The following RHEX variants were observed in gnomAD, a reference collection of about 807,000 sequenced individuals.
RHEX encodes the protein regulator of hemoglobinization and erythroid cell expansion, also known as regulator of hemoglobinization and erythroid cell expansion protein.
A neutral mutation model predicts 20.1 loss-of-function variants in RHEX; 18 were observed. The ratio of observed to expected loss-of-function variants is 0.90; its 90% CI spans 0.62 to 1.33. The LOEUF (loss-of-function observed/expected upper bound fraction) is 1.33, where lower values mean the gene tolerates loss of function less well. Ranked by LOEUF, RHEX falls within the 40% of genes most tolerant of loss-of-function variation. The pLI, the probability that RHEX is intolerant of heterozygous loss-of-function variation, is 0.00. For missense variants in RHEX, 192 were observed against 214.3 expected (o/e 0.90, Z 0.65); for synonymous variants, 87 against 77.1 (o/e 1.13, Z -0.67).
At chr1:206,081,795 G>A (rs143606367) in intron 1 of RHEX, among the ~76,000 whole-genome samples, 1 of 152,284 alleles carries the variant, frequency 6.6e-6, no homozygotes, top group East Asian at 1.9e-4. Flanking sequence ...ACAGAGGCTA[G>A]AGCTGTATGA....
At chr1:206,092,874 T>C (rs921757205) in intron 1 of RHEX, among the ~76,000 whole-genome samples, 1 of 152,126 alleles carries the variant, frequency 6.6e-6, no homozygotes, top group East Asian at 1.9e-4. Flanking sequence ...GAAATAAAGA[T>C]TTTTTTATTT....
chr1:206,058,717 C>T lies in RHEX; in HGVS notation c.-97+5452C>T, dbSNP rs926138723. ...GGTGCATGCAGCCCCTGTCACATAC[C>T]GCCTGCTTGCTCAAATCAATCATGA... On this transcript the variant is annotated intron_variant, in intron 1 of 5. Coordinates refer to ENST00000331555, the MANE Select transcript of RHEX (RefSeq NM_001007544.4). 1.3e-4 allele frequency among the ~76,000 whole-genome samples: 20 copies of T among 152,260 alleles called. No individual in the cohort carries two copies. The East Asian group carries it at 1.9e-3, about 15-fold the overall frequency.
intron 1 of RHEX, among the ~76,000 whole-genome samples, chr1:206,080,978 T>C (rs1303748432): frequency 6.9e-6 from 1 of 145,780 alleles, no homozygotes; most frequent in Non-Finnish European, 1.5e-5. Flanking sequence ...AATTTTTTTG[T>C]ACATACACAC....
intron 1 of RHEX, among the ~76,000 whole-genome samples, chr1:206,095,904 C>T (rs1663057025): frequency 6.6e-6 from 1 of 152,088 alleles, no homozygotes; most frequent in African/African-American, 2.4e-5. Flanking sequence ...GATCATGGCT[C>T]ACTGCAGCCT....
chr1:206,054,355 A>G (rs1662143378), intron 1 of RHEX, among the ~76,000 whole-genome samples: 1 of 152,254 alleles, frequency 6.6e-6, no homozygotes, highest in South Asian at 2.1e-4. Flanking sequence ...AGGCCTCCTG[A>G]GTACTATTAA....
rs1553288120 is a variant in RHEX at position 206,099,525 on chromosome 1, A to G, written c.113-130A>G. On this transcript the variant is annotated intron_variant, in intron 3 of 5. Transcript: ENST00000331555. ...GTAGAGATGGGGTTTCACCATGTTG[A>G]CCAGGCTGGTCTCGAACTTGTGACC... 1.9e-5 allele frequency: 14 copies of G among 755,802 alleles called. No homozygotes were observed. In the East Asian group the frequency reaches 3.8e-4, roughly 21 times the overall value. The allele number at this position is 755,802 out of a possible 1,614,324, so 46.8% of individuals were successfully genotyped here.
chr1:206,059,571 G>A (rs782632894), intron 1 of RHEX, among the ~76,000 whole-genome samples: 1 of 152,124 alleles, frequency 6.6e-6, no homozygotes, highest in Admixed American at 6.5e-5. Context: ...GAATCATGCA[G>A]CTTCACTTTA....
At chr1:206,087,215 T>C (rs1043071137) in intron 1 of RHEX, among the ~76,000 whole-genome samples, 18 of 152,334 alleles carry the variant, frequency 1.2e-4, no homozygotes, top group Middle Eastern at 6.8e-3. Flanking sequence ...TTCCACATTA[T>C]GCTATTTACA....
intron 1 of RHEX, among the ~76,000 whole-genome samples, chr1:206,093,590 G>A (rs73088160): frequency 0.031 from 4,770 of 152,176 alleles, 249 homozygotes; most frequent in African/African-American, 0.11. Context: ...ATTTTTCATA[G>A]AAATCATCTT....
chr1:206,063,583 G>A (rs146122211), intron 1 of RHEX, among the ~76,000 whole-genome samples: 12,731 of 152,144 alleles, frequency 0.084, 1,305 homozygotes, highest in African/African-American at 0.24. Context: ...TGGTGGAGAC[G>A]GGGTTTCGCT....
chr1:206,076,981 C>T (rs1662646365), intron 1 of RHEX, among the ~76,000 whole-genome samples: 5 of 152,198 alleles, frequency 3.3e-5, no homozygotes, highest in Admixed American at 1.3e-4. Context: ...GGGATTGTGC[C>T]TGTACCTAGT....
At chr1:206,070,586 A>G (rs1205229076) in intron 1 of RHEX, among the ~76,000 whole-genome samples, 1 of 152,176 alleles carries the variant, frequency 6.6e-6, no homozygotes, top group Non-Finnish European at 1.5e-5. Context: ...TGCTCTCTTA[A>G]TGTTTCTACT....
intron 1 of RHEX, among the ~76,000 whole-genome samples, chr1:206,057,337 C>T (rs571509116): frequency 6.4e-4 from 97 of 152,376 alleles, no homozygotes; most frequent in African/African-American, 2.0e-3. Flanking sequence ...AAAAGAACCA[C>T]CCTGACAAAT....
At chr1:206,075,768 AT>A (rs1347650965) in intron 1 of RHEX, among the ~76,000 whole-genome samples, 5 of 151,856 alleles carry the variant, frequency 3.3e-5, no homozygotes, top group Admixed American at 6.6e-5. Flanking sequence ...CCCGGCTAAC[AT>A]TTTTGTATTT....
At chr1:206,066,387 C>T (rs782733106) in intron 1 of RHEX, among the ~76,000 whole-genome samples, 3 of 152,188 alleles carry the variant, frequency 2.0e-5, no homozygotes, top group Non-Finnish European at 4.4e-5. Context: ...AAGGCCGAGG[C>T]GGACGGATCA....
intron 4 of RHEX, 147 bp from the exon 5 acceptor site, chr1:206,100,989 A>C: frequency 3.5e-6 from 2 of 570,888 alleles, no homozygotes; most frequent in Non-Finnish European, 6.1e-6. Context: ...GGGTCTCTGT[A>C]TCTCTCTTCC....
chr1:206,090,298 T>C (rs1302436606), intron 1 of RHEX, among the ~76,000 whole-genome samples: 5 of 147,840 alleles, frequency 3.4e-5, no homozygotes, highest in Admixed American at 6.8e-5. Flanking sequence ...TCTCGTCTCC[T>C]AGGTTCAAGC....
At chr1:206,055,745 T>G (rs1662180704) in intron 1 of RHEX, among the ~76,000 whole-genome samples, 1 of 152,274 alleles carries the variant, frequency 6.6e-6, no homozygotes, top group Non-Finnish European at 1.5e-5. Context: ...GCCCCAGCCC[T>G]GGGGCTACCT....
intron 1 of RHEX, among the ~76,000 whole-genome samples, chr1:206,071,872 A>C (rs868928828): frequency 3.9e-5 from 6 of 151,980 alleles, no homozygotes; most frequent in South Asian, 4.2e-4. Flanking sequence ...AAAAAAAAAA[A>C]AAAGAAAAAG....
Sources: allele counts gnomAD v4.1 joint callset (sites outside exome capture counted in the v4.1 genomes callset), GRCh38; gene constraint gnomAD v4.1.1; transcripts MANE v1.5; gene names NCBI Gene and HGNC (gene_info 2026-07-23, HGNC 2026-07-21).